The following BCOR variants were observed in gnomAD, a reference collection of about 807,000 sequenced individuals.
BCOR encodes the protein BCL6 corepressor.
BCOR carries 10 observed loss-of-function variants against 86.7 expected under a neutral mutation model. The ratio of observed to expected loss-of-function variants is 0.12; its 90% CI spans 0.07 to 0.20. The LOEUF (loss-of-function observed/expected upper bound fraction) is 0.20. BCOR is among the 10% of genes least tolerant of loss of function. The probability of loss-of-function intolerance (pLI) is 1.00; values close to 1 mark genes in which losing one functional copy is unlikely to be tolerated. For missense variants in BCOR, 1,259 were observed against 1,452.1 expected (o/e 0.87, Z 2.16); for synonymous variants, 611 against 609.0 (o/e 1.00, Z -0.05).
At chrX:40,117,404 C>T in intron 1 of BCOR, among the ~76,000 whole-genome samples, 1 of 111,685 alleles carries the variant, frequency 9.0e-6, no homozygotes, top group Non-Finnish European at 1.9e-5. Context: ...GCAGGGAAGG[C>T]AATTAATAGG....
At chrX:40,085,845 G>A (rs1429383489) in intron 1 of BCOR, among the ~76,000 whole-genome samples, 2 of 111,519 alleles carry the variant, frequency 1.8e-5, no homozygotes, top group Non-Finnish European at 3.8e-5. Context: ...GGCCAGCCAT[G>A]AACCTCCAGG....
In BCOR at chrX:40,053,942, T is replaced by C. The variant is rs1370836845; in HGVS notation, c.4920A>G (p.Glu1640=). The C allele has an allele frequency of 8.3e-6, 10 of 1,210,768 alleles. No individual in the cohort carries two copies. The South Asian group carries it at 1.4e-4, about 17-fold the overall frequency. The change falls in exon 14 of 15, where the codon GAA becomes GAG. Residue 1640 remains glutamate, a synonymous_variant. Coordinates refer to ENST00000378444, the MANE Select transcript of BCOR (RefSeq NM_001123385.2). ...DDAYSDVFEF[E]FSETPLLPCY... ...ACGGTAAGAGGGGGGTCTCTGAAAA[T>C]TCAAATTCAAACACATCGCTATAGG... is the stretch of plus-strand genomic sequence containing the variant.
chrX:40,074,384 A>C lies in BCOR; in HGVS notation c.962T>G (p.Val321Gly). The change falls in exon 4 of 15, where the codon GTC becomes GGC. Residue 321 changes from valine (V) to glycine (G), a missense_variant. By Grantham distance (109) the Val-to-Gly change is moderately radical. Transcript: ENST00000378444. ...TGTGTCCCCCGGCAGGCCACTGGTG[A>C]CCGCCTTGGCAGAGGGAACCCTGGG... ...KQPRVPSAKA[V>G]TSGLPGDTAL... The C allele has an allele frequency of 1.7e-6, 2 of 1,210,870 alleles. No homozygotes were observed. The highest frequency in any genetic ancestry group is 2.2e-6 in the Non-Finnish European group (2 of 894,995).
At chrX:40,053,082 T>A (rs1934408808) in intron 14 of BCOR, among the ~76,000 whole-genome samples, 1 of 111,534 alleles carries the variant, frequency 9.0e-6, no homozygotes, top group South Asian at 3.8e-4. Flanking sequence ...TATCCCCATT[T>A]CTTTGATCTC....
intron 1 of BCOR, among the ~76,000 whole-genome samples, chrX:40,164,925 C>G (rs1235598053): frequency 1.8e-5 from 2 of 112,014 alleles, no homozygotes; most frequent in Non-Finnish European, 3.8e-5. Context: ...CTCTGTCCCC[C>G]ACCATTTCCT....
intron 1 of BCOR, among the ~76,000 whole-genome samples, chrX:40,139,446 A>AT (rs35673283): frequency 5.7e-4 from 3 of 5,219 alleles, no homozygotes; most frequent in Admixed American, 3.6e-3. Flanking sequence ...ATATATATAT[A>AT]ATATATATAC....
In BCOR at chrX:40,063,083, G is replaced by C. The variant is rs1328364670; in HGVS notation, c.3848-12C>G. The C allele has an allele frequency of 1.8e-6, 2 of 1,111,389 alleles. No individual in the cohort carries two copies. Among genetic ancestry groups the C allele is most frequent in the Admixed American group, 5.3e-5 (2 of 37,576 alleles). 91.6% of individuals were successfully genotyped at this position (1,111,389 alleles called of 1,213,427 possible). ...GAACACAGGCAAGCCTAAATACGGA[G>C]GGGGTGACGGGGTGGCGGGCGGATG... On this transcript the variant is annotated splice_polypyrimidine_tract_variant and intron_variant, in intron 8 of 14. Transcript: ENST00000378444.
At chrX:40,105,756 G>T (rs1222633047) in intron 1 of BCOR, among the ~76,000 whole-genome samples, 1 of 112,449 alleles carries the variant, frequency 8.9e-6, no homozygotes, top group African/African-American at 3.2e-5. Flanking sequence ...GCCAAGCCTC[G>T]GCCACCCCCA....
At chrX:40,158,614 G>C (rs1202871659) in intron 1 of BCOR, among the ~76,000 whole-genome samples, 1 of 112,614 alleles carries the variant, frequency 8.9e-6, no homozygotes, top group Non-Finnish European at 1.9e-5. Flanking sequence ...TGGTCAACGT[G>C]TTATCGCTTC....
chrX:40,053,502 C>T (rs910634912), intron 14 of BCOR, among the ~76,000 whole-genome samples: 2 of 111,992 alleles, frequency 1.8e-5, no homozygotes, highest in East Asian at 2.8e-4. Flanking sequence ...CAGTGTAGTC[C>T]GTACATCTCA....
chrX:40,064,870 G>A (rs1315898681), intron 6 of BCOR, among the ~76,000 whole-genome samples: 1 of 111,759 alleles, frequency 8.9e-6, no homozygotes, highest in Non-Finnish European at 1.9e-5. Flanking sequence ...TTATGGTTGG[G>A]GGCAAGAGGG....
intron 1 of BCOR, among the ~76,000 whole-genome samples, chrX:40,144,376 G>A (rs752877562): frequency 4.9e-4 from 55 of 111,655 alleles, no homozygotes; most frequent in African/African-American, 1.7e-3. Context: ...AAAAGAAAAC[G>A]GTGCTCGCCT....
chrX:40,176,083 G>C (rs1938743941), intron 1 of BCOR, among the ~76,000 whole-genome samples: 1 of 112,914 alleles, frequency 8.9e-6, no homozygotes, highest in Non-Finnish European at 1.9e-5. Context: ...TCCCACGCTA[G>C]AGTAGCGCAC....
rs1935429122 is a variant in BCOR, at chrX:40,070,618, TATA to T, written c.3238+352_3238+354del. Among the ~76,000 whole-genome samples the T allele has an allele frequency of 1.7e-4, 19 of 111,540 alleles. No individual in the cohort carries two copies. In the South Asian group the frequency reaches 6.8e-3, roughly 40 times the overall value. ...AACATCTATGCCTTTGGAGGGAGAA[TATA>T]AGGACTCTTCATTCCACATCAGACT... On this transcript the variant is annotated intron_variant, in intron 6 of 14. Transcript: ENST00000378444.
At chrX:40,141,169 G>A (rs1377697503) in intron 1 of BCOR, among the ~76,000 whole-genome samples, 1 of 112,465 alleles carries the variant, frequency 8.9e-6, no homozygotes, top group African/African-American at 3.2e-5. Context: ...CAGGTTTTTG[G>A]GGGGCGACGG....
intron 1 of BCOR, among the ~76,000 whole-genome samples, chrX:40,147,283 T>A (rs920223287): frequency 4.8e-4 from 54 of 112,657 alleles, no homozygotes; most frequent in African/African-American, 1.4e-3. Flanking sequence ...CCCCGTCAAC[T>A]CTGCAAAGTA....
intron 1 of BCOR, among the ~76,000 whole-genome samples, chrX:40,155,600 C>T (rs745882170): frequency 9.1e-6 from 1 of 109,659 alleles, no homozygotes; most frequent in South Asian, 4.0e-4. Flanking sequence ...AGACCCCACT[C>T]GGACTCTCAG....
rs1324755594 is a variant in BCOR at position 40,097,820 on chromosome X, C to A, written c.-646G>T. 9.1e-6 allele frequency among the ~76,000 whole-genome samples: 1 copy of A among 110,457 alleles called. No individual in the cohort carries two copies. The highest frequency in any genetic ancestry group is 1.9e-5 in the Non-Finnish European group (1 of 51,984). On this transcript the variant is annotated 5_prime_UTR_variant, in exon 1 of 15. Transcript: ENST00000378444. ...GGCGGCTCGCGGGCTCCCCCTCCGC[C>A]GCCGCCGCCCGCCTAGCTCCCGCTC...
chrX:40,072,724 T>C lies in BCOR; in HGVS notation c.2622A>G (p.Pro874=). 2.5e-6 allele frequency: 3 copies of C among 1,211,871 alleles called. No homozygotes were observed. The highest frequency in any genetic ancestry group is 3.5e-5 in the South Asian group (2 of 56,997). The change falls in exon 4 of 15, where the codon CCA becomes CCG. Residue 874 remains proline, a synonymous_variant. Transcript: ENST00000378444. ...DFHETYTFKQ[P]VFTVSKDSVL... ...CACTGTCCTTGCTTACGGTGAAGAC[T>C]GGCTGTTTGAAAGTATAAGTTTCGT...
Sources: allele counts gnomAD v4.1 joint callset (sites outside exome capture counted in the v4.1 genomes callset), GRCh38; gene constraint gnomAD v4.1.1; transcripts MANE v1.5; gene names NCBI Gene and HGNC (gene_info 2026-07-23, HGNC 2026-07-21).